Variants in CCPG1 observed in about 807,000 individuals in gnomAD.
CCPG1 encodes the protein cell cycle progression protein 1.
CCPG1 carries 46 observed loss-of-function variants against 81.3 expected under a neutral mutation model. The observed-to-expected ratio is 0.57, with a 90% CI of 0.45 to 0.72. The LOEUF is 0.72. Ranked by LOEUF, CCPG1 falls within the 30% of genes least tolerant of loss-of-function variation. The pLI is 0.00. For synonymous variants in CCPG1, 330 were observed against 305.2 expected (o/e 1.08, Z -0.85); for missense variants, 902 against 937.6 (o/e 0.96, Z 0.50).
chr15:55,390,082 C>G (rs973734803), intron 1 of CCPG1, among the ~76,000 whole-genome samples: 3 of 152,180 alleles, frequency 2.0e-5, no homozygotes, highest in African/African-American at 7.2e-5. Context: ...TGCCACCACG[C>G]CCCACTAATT....
chr15:55,375,192 G>GA (rs2056538499), intron 5 of CCPG1, among the ~76,000 whole-genome samples: 1 of 152,148 alleles, frequency 6.6e-6, no homozygotes, highest in Non-Finnish European at 1.5e-5. Context: ...ACAACTTCCT[G>GA]AAAAAAGTTA....
intron 3 of CCPG1, among the ~76,000 whole-genome samples, chr15:55,382,927 CTGTTAA>C (rs2056730099): frequency 6.6e-6 from 1 of 152,154 alleles, no homozygotes; most frequent in African/African-American, 2.4e-5. Flanking sequence ...TTCCAAACTC[CTGTTAA>C]TGTTGATATT....
chr15:55,398,799 C>G (rs966537877), intron 1 of CCPG1, among the ~76,000 whole-genome samples: 19 of 152,136 alleles, frequency 1.2e-4, no homozygotes, highest in Admixed American at 7.2e-4. Context: ...CCAGGATGGT[C>G]TCGATCTCTT....
chr15:55,372,976 G>C, intron 5 of CCPG1: 1 of 534,680 alleles, frequency 1.9e-6, no homozygotes, highest in South Asian at 1.4e-5. Flanking sequence ...CTTACTAGAA[G>C]GTTATTAATT....
At chr15:55,397,997 A>AG (rs60530004) in intron 1 of CCPG1, among the ~76,000 whole-genome samples, 2 of 151,168 alleles carry the variant, frequency 1.3e-5, no homozygotes, top group Non-Finnish European at 3.0e-5. Context: ...AAGAAGAAGA[A>AG]AAGGAAACCA....
Position 55,360,544 on chromosome 15 carries a change from C to A in CCPG1, c.1229G>T (p.Gly410Val), listed in dbSNP as rs981682299. 1.2e-6 allele frequency: 2 copies of A among 1,614,074 alleles called. No individual in the cohort carries two copies. Among genetic ancestry groups the A allele is most frequent in the Middle Eastern group, 1.6e-4 (1 of 6,062 alleles). Residue 410 changes from glycine (G) to valine (V), a missense_variant, in exon 8 of 9, where the codon GGC becomes GTC. Gly to Val is a moderately radical substitution (Grantham distance 109). Transcript: ENST00000442196. ...ATATACATTGGGAGAATCTGACTTG[C>A]CATGTAACTGACTACCACTTAACTG... ...LQQLSGSQLH[G>V]KSDSPNVYTE...
chr15:55,380,946 G>C (rs532830552), intron 3 of CCPG1, among the ~76,000 whole-genome samples: 106 of 151,958 alleles, frequency 7.0e-4, no homozygotes, highest in Non-Finnish European at 1.3e-3. Context: ...GACCATCCTG[G>C]CTAACACAGT....
At position 55,365,211 on chromosome 15, in the gene CCPG1, G is replaced by T. The variant is rs2056296861; in HGVS notation, c.805C>A (p.Gln269Lys). The change falls in exon 7 of 9, where the codon CAA (glutamine) becomes AAA (lysine). Residue 269 changes from glutamine (Q) to lysine (K), a missense_variant. Coordinates refer to ENST00000442196, the MANE Select transcript of CCPG1 (RefSeq NM_001204450.2). ...ACCTTATAATCTATAAAAGATTCTT[G>T]TTCCTGTTGACACTGGGAAAGATAA... The part of the protein sequence containing the change: ...KDYLSQCQQE[Q>K]ESFIDYKSLK... The T allele has an allele frequency of 2.0e-6, 3 of 1,464,794 alleles. No individual in the cohort carries two copies. The highest frequency in any genetic ancestry group is 2.8e-6 in the Non-Finnish European group (3 of 1,058,638). The allele number at this position is 1,464,794 out of a possible 1,614,324, so 90.7% of individuals were successfully genotyped here. A position where few individuals can be genotyped will look rare whatever the true frequency, so the allele number is the denominator to read the frequency against.
intron 1 of CCPG1, among the ~76,000 whole-genome samples, chr15:55,406,021 T>A (rs964446314): frequency 6.6e-6 from 1 of 152,168 alleles, no homozygotes; most frequent in Admixed American, 6.5e-5. Context: ...TCCGCCACCA[T>A]GCCCAGCTAA....
At chr15:55,379,413 A>T (rs1222449980) in intron 3 of CCPG1, among the ~76,000 whole-genome samples, 1 of 152,098 alleles carries the variant, frequency 6.6e-6, no homozygotes, top group Non-Finnish European at 1.5e-5. Flanking sequence ...CTATAGTACT[A>T]GCTACTCAGA....
intron 3 of CCPG1, among the ~76,000 whole-genome samples, chr15:55,382,154 T>C (rs999238364): frequency 1.3e-5 from 2 of 151,990 alleles, no homozygotes; most frequent in African/African-American, 2.4e-5. Context: ...AAGGGTGGAG[T>C]AGCTGGGGCA....
chr15:55,365,586 A>C (rs2056309763), intron 6 of CCPG1, among the ~76,000 whole-genome samples: 4 of 151,208 alleles, frequency 2.6e-5, no homozygotes, highest in African/African-American at 7.3e-5. Flanking sequence ...AGGCCCAACT[A>C]ATTTTTTATA....
intron 3 of CCPG1, among the ~76,000 whole-genome samples, chr15:55,382,509 TTC>T (rs957755250): frequency 6.7e-5 from 10 of 149,572 alleles, no homozygotes; most frequent in African/African-American, 2.4e-4. Context: ...CAGGATCCAC[TTC>T]TTTTTTTTTT....
chr15:55,375,688 C>CT (rs556670892), intron 5 of CCPG1, among the ~76,000 whole-genome samples: 3,017 of 139,536 alleles, frequency 0.022, 35 homozygotes, highest in African/African-American at 0.035. Flanking sequence ...AGAATCTCTA[C>CT]TTTTTTTTTT....
chr15:55,382,450 C>T (rs909535434), intron 3 of CCPG1, among the ~76,000 whole-genome samples: 5 of 152,000 alleles, frequency 3.3e-5, no homozygotes, highest in Admixed American at 2.0e-4. Flanking sequence ...GAAGCAACTC[C>T]TTATCTGTTC....
intron 1 of CCPG1, among the ~76,000 whole-genome samples, chr15:55,391,892 G>C (rs1430819176): frequency 8.7e-6 from 1 of 114,994 alleles, no homozygotes; most frequent in Admixed American, 8.7e-5. Flanking sequence ...AAAAAAGGGG[G>C]GGGGGGGCTA....
chr15:55,406,215 G>C (rs1247970283), intron 1 of CCPG1, among the ~76,000 whole-genome samples: 1 of 116,452 alleles, frequency 8.6e-6, no homozygotes, highest in Non-Finnish European at 1.9e-5. Flanking sequence ...TGGAATTGCT[G>C]CTTTTTTTTT....
Position 55,371,781 on chromosome 15 carries a change from T to C in CCPG1, c.706+12A>G. The C allele has an allele frequency of 6.2e-7, 1 of 1,611,700 alleles. No individual in the cohort carries two copies. The highest frequency in any genetic ancestry group is 1.1e-5 in the South Asian group (1 of 91,008). On this transcript the variant is annotated intron_variant, in intron 6 of 8. Coordinates refer to ENST00000442196, the MANE Select transcript of CCPG1 (RefSeq NM_001204450.2). ...CCATCAGGTTATGTATAACACATTT[T>C]TGAGTACTTACCATAGAAATGGCCA...
intron 1 of CCPG1, among the ~76,000 whole-genome samples, chr15:55,402,769 A>C (rs1394926077): frequency 6.6e-6 from 1 of 152,224 alleles, no homozygotes; most frequent in East Asian, 1.9e-4. Context: ...AAATAACTTA[A>C]AGATCCATTT....
Sources: gnomAD v4.1 joint callset for allele counts (sites outside exome capture counted in the v4.1 genomes callset) on GRCh38, gnomAD v4.1.1 for gene constraint, MANE v1.5 for transcripts, NCBI Gene and HGNC (gene_info 2026-07-23, HGNC 2026-07-21) for gene names.